The following CCDC148 variants were observed in gnomAD, a reference collection of about 807,000 sequenced individuals.
The protein encoded by CCDC148 is coiled-coil domain containing 148.
Under a neutral mutation model 85.7 loss-of-function variants are expected in CCDC148, and 89 were observed. That is an observed-to-expected ratio of 1.04 (90% confidence interval 0.87 to 1.24). CCDC148 has a LOEUF of 1.24. Among genes scored for constraint, CCDC148 ranks in the 50% most tolerant of loss-of-function variants. CCDC148 has a pLI of 0.00. For synonymous variants in CCDC148, 230 were observed against 213.9 expected (o/e 1.08, Z -0.66); for missense variants, 692 against 671.7 (o/e 1.03, Z -0.33).
chr2:158,441,368 A>G (rs552967572), intron 1 of CCDC148, among the ~76,000 whole-genome samples: 2 of 152,364 alleles, frequency 1.3e-5, no homozygotes, highest in East Asian at 3.9e-4. Flanking sequence ...AGATTTCTGA[A>G]TGAATCGTAT....
intron 1 of CCDC148, among the ~76,000 whole-genome samples, chr2:158,435,093 C>T (rs147445028): frequency 0.075 from 11,346 of 152,222 alleles, 570 homozygotes; most frequent in Middle Eastern, 0.11. Flanking sequence ...TCTAGCAAGG[C>T]AGGCCAACAT....
chr2:158,194,743 C>T (rs1685583883), intron 11 of CCDC148, among the ~76,000 whole-genome samples: 1 of 152,050 alleles, frequency 6.6e-6, no homozygotes, highest in Non-Finnish European at 1.5e-5. Flanking sequence ...TTGGATATTG[C>T]TTTATGCTTT....
chr2:158,338,827 G>C lies in CCDC148; in HGVS notation c.663C>G (p.Tyr221Ter). ...PIELESLECPYPDLKSSILSE... is the reference protein window; with the variant it reads ...PIELESLECP ...TGAGAATTGAAGATTTCAAATCAGG[G>C]TATGGGCATTCCAAACTTTCTAATT... The change falls in exon 7 of 14, where the codon TAC (tyrosine) becomes TAG (stop). Residue 221 changes from tyrosine (Y) to a stop codon, truncating the protein, a stop_gained. Coordinates refer to ENST00000283233, the MANE Select transcript of CCDC148 (RefSeq NM_138803.4). LOFTEE classifies it high-confidence loss of function. 6.2e-7 allele frequency: 1 copy of C among 1,612,696 alleles called. No homozygotes were observed. Among genetic ancestry groups the C allele is most frequent in the Non-Finnish European group, 8.5e-7 (1 of 1,179,548 alleles).
chr2:158,176,664 A>G lies in CCDC148; in HGVS notation c.1489-3T>C, dbSNP rs761165381. The G allele has an allele frequency of 6.2e-6, 10 of 1,611,356 alleles. No individual in the cohort carries two copies. The highest frequency in any genetic ancestry group is 7.6e-6 in the Non-Finnish European group (9 of 1,178,620). On this transcript the variant is annotated splice_polypyrimidine_tract_variant and splice_region_variant and intron_variant, in intron 12 of 13. Coordinates refer to ENST00000283233, the MANE Select transcript of CCDC148 (RefSeq NM_138803.4). ...TCAAATTGAGCAACAACAGCAACCT[A>G]AAAATGAGAAAGCATGGCTACTTGG...
intron 10 of CCDC148, among the ~76,000 whole-genome samples, chr2:158,242,601 C>T (rs1688394643): frequency 6.6e-6 from 1 of 151,274 alleles, no homozygotes; most frequent in Non-Finnish European, 1.5e-5. Context: ...TCACTGAATT[C>T]ATGGCCTTCC....
In CCDC148 at chr2:158,354,291, T is replaced by C. The variant is rs1195691619; in HGVS notation, c.147+4158A>G. On this transcript the variant is annotated intron_variant, in intron 2 of 13. Transcript: ENST00000283233. Reference sequence around the variant, plus strand: ...TCAAAAAATTAATGAATCCAGGAGCTGGTTTTTTGAAAGGATCAACAAAAT... The same window carrying C: ...TCAAAAAATTAATGAATCCAGGAGCCGGTTTTTTGAAAGGATCAACAAAAT... Among the ~76,000 whole-genome samples the C allele has an allele frequency of 2.6e-5, 4 of 152,094 alleles. No homozygotes were observed. The South Asian group carries it at 6.2e-4, about 24-fold the overall frequency.
At chr2:158,178,002 A>C (rs1026623369) in intron 12 of CCDC148, 5 of 152,130 alleles carry the variant, frequency 3.3e-5, no homozygotes, top group Non-Finnish European at 7.4e-5. Context: ...GTAAATAATA[A>C]ATTTGAACTC....
intron 2 of CCDC148, among the ~76,000 whole-genome samples, chr2:158,352,573 A>G (rs1574673791): frequency 6.6e-6 from 1 of 152,118 alleles, no homozygotes; most frequent in Admixed American, 6.5e-5. Context: ...ATATGGGACT[A>G]TGTGAAAAGA....
intron 1 of CCDC148, among the ~76,000 whole-genome samples, chr2:158,435,773 T>C (rs1001201136): frequency 6.6e-6 from 1 of 151,850 alleles, no homozygotes; most frequent in Non-Finnish European, 1.5e-5. Context: ...AATAAAGGGA[T>C]GGAGGAAGAT....
chr2:158,258,144 T>C (rs1196695402), intron 9 of CCDC148, among the ~76,000 whole-genome samples: 3 of 151,838 alleles, frequency 2.0e-5, no homozygotes, highest in South Asian at 2.1e-4. Flanking sequence ...GATAATAGAA[T>C]GGAAAATAAC....
intron 9 of CCDC148, among the ~76,000 whole-genome samples, chr2:158,267,484 A>T (rs1310125336): frequency 6.6e-6 from 1 of 152,210 alleles, no homozygotes; most frequent in South Asian, 2.1e-4. Context: ...TGCCTTCGCT[A>T]TCAGAAAATA....
rs1224599166 is a variant in CCDC148 at position 158,178,660 on chromosome 2, A to G, written c.1488+219T>C. Among the ~76,000 whole-genome samples the G allele has an allele frequency of 2.0e-5, 3 of 152,152 alleles. No individual in the cohort carries two copies. In the East Asian group the frequency reaches 5.8e-4, roughly 29 times the overall value. ...TAGTTAAATCTTGGGAGAGCTTTTT[A>G]AAAGGTGATGATAAAGTTCTTTCAA... is the stretch of plus-strand genomic sequence containing the variant. On this transcript the variant is annotated intron_variant, in intron 12 of 13. Transcript: ENST00000283233.
At chr2:158,443,117 C>G (rs369335452) in intron 1 of CCDC148, among the ~76,000 whole-genome samples, 1 of 150,972 alleles carries the variant, frequency 6.6e-6, no homozygotes, top group Non-Finnish European at 1.5e-5. Context: ...GAGTTAGGGA[C>G]AGGAAGGCAA....
intron 9 of CCDC148, among the ~76,000 whole-genome samples, chr2:158,283,231 T>C (rs971099645): frequency 6.6e-6 from 1 of 152,226 alleles, no homozygotes; most frequent in African/African-American, 2.4e-5. Context: ...AAGGACTTCA[T>C]GTCTAAAACA....
At chr2:158,217,789 ATG>A (rs1223394900) in intron 11 of CCDC148, among the ~76,000 whole-genome samples, 1 of 152,162 alleles carries the variant, frequency 6.6e-6, no homozygotes, top group African/African-American at 2.4e-5. Context: ...CCTCAAGGAT[ATG>A]TGTGTGTGTT....
rs73011460 is a variant in CCDC148 at position 158,209,430 on chromosome 2, A to G, written c.1370+11165T>C. Among the ~76,000 whole-genome samples, 617 of 152,314 alleles carry G rather than the reference A, an allele frequency of 4.1e-3. 4 individuals carry two copies. The highest frequency in any genetic ancestry group is 0.014 in the African/African-American group (591 of 41,570). On this transcript the variant is annotated intron_variant, in intron 11 of 13. Transcript: ENST00000283233. ...TAGTAATAAAGACATCAATACATCA[A>G]TAAAGTATATAATGGTTGCCTCCAT... is the stretch of plus-strand genomic sequence containing the variant.
intron 1 of CCDC148, among the ~76,000 whole-genome samples, chr2:158,360,535 T>C (rs1683891554): frequency 6.6e-6 from 1 of 151,904 alleles, no homozygotes; most frequent in Admixed American, 6.6e-5. Context: ...GTAAACAGAG[T>C]CTGGAGTGGA....
chr2:158,284,387 A>G (rs181654787), intron 9 of CCDC148, among the ~76,000 whole-genome samples: 1 of 152,182 alleles, frequency 6.6e-6, no homozygotes, highest in Non-Finnish European at 1.5e-5. Context: ...AAAAATAACA[A>G]CCTCTTAAAG....
At chr2:158,402,789 GT>G (rs1182758503) in intron 1 of CCDC148, among the ~76,000 whole-genome samples, 1 of 152,020 alleles carries the variant, frequency 6.6e-6, no homozygotes, top group African/African-American at 2.4e-5. Flanking sequence ...CTTTGCCAAG[GT>G]ATTTCCAGTT....
Sources: gnomAD v4.1 joint callset for allele counts (sites outside exome capture counted in the v4.1 genomes callset) on GRCh38, gnomAD v4.1.1 for gene constraint, MANE v1.5 for transcripts, NCBI Gene and HGNC (gene_info 2026-07-23, HGNC 2026-07-21) for gene names.